PHF8: variants seen among roughly 807,000 people sequenced by gnomAD.
The protein encoded by PHF8 is histone lysine demethylase PHF8.
A neutral mutation model predicts 74.4 loss-of-function variants in PHF8; 9 were observed. The ratio of observed to expected loss-of-function variants is 0.12; its 90% CI spans 0.07 to 0.21. The LOEUF is 0.21. Ranked by LOEUF, PHF8 falls within the 10% of genes least tolerant of loss-of-function variation. The pLI, the probability that PHF8 is intolerant of heterozygous loss-of-function variation, is 1.00. For synonymous variants in PHF8, 311 were observed against 316.6 expected, an observed-to-expected ratio of 0.98 and a Z score of 0.19; for missense variants, 478 against 816.6, an observed-to-expected ratio of 0.59 and a Z score of 5.05.
intron 16 of PHF8, 67 bp from the exon 17 acceptor site, chrX:53,986,016 C>A (rs1464243336): frequency 9.9e-7 from 1 of 1,008,433 alleles, no homozygotes; most frequent in African/African-American, 1.9e-5. Context: ...AGTACAGGGG[C>A]GATGATCTGA....
chrX:53,972,370 C>G (rs964142135), intron 18 of PHF8, among the ~76,000 whole-genome samples: 178 of 106,933 alleles, frequency 1.7e-3, no homozygotes, highest in African/African-American at 6.0e-3. Context: ...AAGCCAACAT[C>G]CCTGATGAAC....
chrX:54,014,201 C>T (rs994154749), intron 7 of PHF8, among the ~76,000 whole-genome samples, 176 bp downstream of exon 7: 6 of 111,263 alleles, frequency 5.4e-5, no homozygotes, highest in Non-Finnish European at 9.4e-5. Flanking sequence ...GTGATCCGCC[C>T]GCCTCGGCCT....
chrX:54,037,268 G>C (rs1557114658), intron 2 of PHF8, among the ~76,000 whole-genome samples: 1 of 111,483 alleles, frequency 9.0e-6, no homozygotes, highest in Non-Finnish European at 1.9e-5. Flanking sequence ...GTTTTTTTGA[G>C]ACAGGGTCTC....
In PHF8 at chrX:53,948,482, A is replaced by G. The variant is rs782073783; in HGVS notation, c.2540-4239T>C. 1.1e-4 allele frequency among the ~76,000 whole-genome samples: 12 copies of G among 110,250 alleles called. No individual in the cohort carries two copies. The East Asian group carries it at 3.5e-3, about 32-fold the overall frequency. The stretch of plus-strand genomic sequence containing the variant: ...GAGATGGGGTTTCACCATGTTGGCC[A>G]GGCTGGTCTTAAACTCCTGACCTCA... On this transcript the variant is annotated intron_variant, in intron 19 of 21. Transcript: ENST00000338154.
intron 18 of PHF8, among the ~76,000 whole-genome samples, chrX:53,964,997 C>T (rs1269713858): frequency 1.8e-5 from 2 of 110,853 alleles, no homozygotes; most frequent in African/African-American, 6.6e-5. Context: ...AGATCTGTTG[C>T]ACAACAATGT....
chrX:54,044,275 C>A lies in PHF8; in HGVS notation c.-606G>T. 3 of 754,916 alleles carry A rather than the reference C, an allele frequency of 4.0e-6. No individual in the cohort carries two copies. The highest frequency in any genetic ancestry group is 4.7e-6 in the Non-Finnish European group (3 of 639,231). 62.2% of individuals were successfully genotyped at this position (754,916 alleles called of 1,213,427 possible). On this transcript the variant is annotated 5_prime_UTR_variant, in exon 1 of 22. Coordinates refer to ENST00000338154, the MANE Select transcript of PHF8 (RefSeq NM_015107.3). ...AACCGGCCGCCACGTCCGAGGCACA[C>A]GGCCCGAAAAGTCGCTGGGAGAAGC... is the stretch of plus-strand genomic sequence containing the variant.
At chrX:53,979,219 A>T (rs895376841) in intron 18 of PHF8, among the ~76,000 whole-genome samples, 2 of 110,864 alleles carry the variant, frequency 1.8e-5, no homozygotes, top group African/African-American at 6.6e-5. Context: ...TGTCTCAACT[A>T]AAAATACACA....
intron 6 of PHF8, among the ~76,000 whole-genome samples, chrX:54,014,781 C>T (rs1435903704): frequency 9.0e-6 from 1 of 111,365 alleles, no homozygotes; most frequent in African/African-American, 3.3e-5. Context: ...CCAAGCTCCA[C>T]AGGCTTCTCC....
upstream of PHF8, chrX:54,044,874 C>T (rs1350055846): frequency 3.5e-5 from 40 of 1,154,994 alleles, no homozygotes; most frequent in Non-Finnish European, 4.5e-5. Context: ...GGAGTACTCA[C>T]CGCGGCTCCT....
chrX:53,970,806 T>C (rs1163333392), intron 18 of PHF8, among the ~76,000 whole-genome samples: 3 of 111,598 alleles, frequency 2.7e-5, no homozygotes, highest in Non-Finnish European at 3.8e-5. Context: ...CTATCCTAAA[T>C]ATATATGTAC....
chrX:54,003,912 CT>C (rs1390847293), intron 8 of PHF8, among the ~76,000 whole-genome samples: 1 of 111,767 alleles, frequency 8.9e-6, no homozygotes, highest in African/African-American at 3.3e-5. Context: ...CCTACTCACC[CT>C]TCTAGTGTTG....
chrX:54,048,250 G>A (rs12842692), upstream of PHF8, among the ~76,000 whole-genome samples: 1 of 110,961 alleles, frequency 9.0e-6, no homozygotes, highest in Non-Finnish European at 1.9e-5. Flanking sequence ...GTGGGCTACA[G>A]GTGGGGGTCA....
In PHF8 at chrX:53,938,080, G is replaced by A. The variant is rs1557082311; in HGVS notation, c.*1078C>T. The A allele has an allele frequency of 1.7e-6, 2 of 1,158,576 alleles. No homozygotes were observed. Among genetic ancestry groups the A allele is most frequent in the Admixed American group, 5.3e-5 (2 of 38,011 alleles). On this transcript the variant is annotated 3_prime_UTR_variant, in exon 22 of 22. Coordinates refer to ENST00000338154, the MANE Select transcript of PHF8 (RefSeq NM_015107.3). ...GTCGTCTGGAAGTGCAAAGGCCCAG[G>A]AGTGAAGATGTGAGTCCTGAGGTCT...
chrX:54,011,736 A>T (rs2065984266), intron 7 of PHF8, among the ~76,000 whole-genome samples: 1 of 111,011 alleles, frequency 9.0e-6, no homozygotes, highest in Admixed American at 9.7e-5. Context: ...AAAGCTAATA[A>T]AAGTTTAAAA....
chrX:54,001,438 T>C (rs2065826441), intron 10 of PHF8, among the ~76,000 whole-genome samples: 1 of 109,969 alleles, frequency 9.1e-6, no homozygotes, highest in Non-Finnish European at 1.9e-5. Context: ...ACCCAGGAGA[T>C]GGAGGTTGCA....
At chrX:54,007,355 A>G (rs1557105591) in intron 8 of PHF8, among the ~76,000 whole-genome samples, 1 of 112,072 alleles carries the variant, frequency 8.9e-6, no homozygotes, top group Non-Finnish European at 1.9e-5. Context: ...GAATTAAGCA[A>G]GCCTCTTAGA....
At chrX:54,004,771 A>G (rs2065872642) in intron 8 of PHF8, among the ~76,000 whole-genome samples, 1 of 110,010 alleles carries the variant, frequency 9.1e-6, no homozygotes, top group Non-Finnish European at 1.9e-5. Flanking sequence ...TCTACTAAAA[A>G]TATAAAAATT....
chrX:54,002,494 G>A (rs976872638), intron 9 of PHF8, 101 bp downstream of exon 9: 1 of 591,895 alleles, frequency 1.7e-6, no homozygotes, highest in African/African-American at 2.2e-5. Context: ...CAGGAACGAG[G>A]AACCATTCCT....
At chrX:54,024,994 A>G (rs2066243779) in intron 2 of PHF8, among the ~76,000 whole-genome samples, 1 of 110,322 alleles carries the variant, frequency 9.1e-6, no homozygotes, top group African/African-American at 3.3e-5. Context: ...CTCCTGCCTC[A>G]GCCTCCCGAG....
Sources: allele counts gnomAD v4.1 joint callset (sites outside exome capture counted in the v4.1 genomes callset), GRCh38; gene constraint gnomAD v4.1.1; transcripts MANE v1.5; gene names NCBI Gene and HGNC (gene_info 2026-07-23, HGNC 2026-07-21).